Variants in TPTE observed in about 807,000 individuals in gnomAD.
TPTE encodes the protein putative tyrosine-protein phosphatase TPTE.
Under a neutral mutation model 84.1 loss-of-function variants are expected in TPTE, and 59 were observed. That is an observed-to-expected ratio of 0.70 (90% confidence interval 0.57 to 0.87). The LOEUF (loss-of-function observed/expected upper bound fraction) is 0.87, where lower values mean the gene tolerates loss of function less well. Ranked by LOEUF, TPTE falls within the 40% of genes least tolerant of loss-of-function variation. The pLI is 0.00. For missense variants in TPTE, 382 were observed against 659.6 expected (o/e 0.58, Z 4.61); for synonymous variants, 130 against 223.5 (o/e 0.58, Z 3.73).
chr21:10,540,512 C>T (rs2074349478), intron 4 of TPTE, among the ~76,000 whole-genome samples: 1 of 152,372 alleles, frequency 6.6e-6, no homozygotes, highest in East Asian at 1.9e-4. Context: ...GAAGCGAATC[C>T]TGCTTGCAGG....
At chr21:10,538,620 C>G in intron 3 of TPTE, 61 bp from the exon 4 acceptor site, 1 of 1,611,474 alleles carries the variant, frequency 6.2e-7, no homozygotes, top group Non-Finnish European at 8.5e-7. Context: ...GCTAGTTTTA[C>G]CAGAAAAGTA....
chr21:10,602,439 A>C lies in TPTE; in HGVS notation c.1449+289A>C, dbSNP rs200831501. The stretch of plus-strand genomic sequence containing the variant: ...AAAGTCAAGATGCTAAAAAAAAAAA[A>C]CCCCAAAGGTATGTTTTACTGCATA... On this transcript the variant is annotated intron_variant, in intron 22 of 23. Transcript: ENST00000618007. Among the ~76,000 whole-genome samples, 33 of 150,232 alleles carry C rather than the reference A, an allele frequency of 2.2e-4. No individual in the cohort carries two copies. The South Asian group carries it at 4.4e-3, about 20-fold the overall frequency.
At chr21:10,562,970 C>G (rs1468872258) in intron 10 of TPTE, among the ~76,000 whole-genome samples, 1 of 152,308 alleles carries the variant, frequency 6.6e-6, no homozygotes, top group Non-Finnish European at 1.5e-5. Context: ...AATCACAGTC[C>G]CAAAGATCAA....
intron 7 of TPTE, among the ~76,000 whole-genome samples, chr21:10,550,278 G>T (rs2074548422): frequency 6.6e-6 from 1 of 152,308 alleles, no homozygotes; most frequent in South Asian, 2.1e-4. Context: ...CCCCATGAAG[G>T]ATATAGACTT....
intron 14 of TPTE, among the ~76,000 whole-genome samples, chr21:10,572,966 C>A (rs2075076427): frequency 6.6e-6 from 1 of 152,218 alleles, no homozygotes; most frequent in Non-Finnish European, 1.5e-5. Context: ...AACAAAATGA[C>A]AGGATAAAGC....
chr21:10,548,277 A>G (rs1396244122), intron 7 of TPTE, among the ~76,000 whole-genome samples: 1 of 152,306 alleles, frequency 6.6e-6, no homozygotes, highest in African/African-American at 2.4e-5. Context: ...CACCCCACAC[A>G]GAAACACTCC....
intron 7 of TPTE, among the ~76,000 whole-genome samples, chr21:10,551,503 T>A (rs2074573134): frequency 6.6e-6 from 1 of 152,282 alleles, no homozygotes; most frequent in Non-Finnish European, 1.5e-5. Flanking sequence ...AATAAACCAC[T>A]GAACAATTCT....
chr21:10,532,825 A>G (rs2074202006), intron 3 of TPTE, among the ~76,000 whole-genome samples: 1 of 152,306 alleles, frequency 6.6e-6, no homozygotes, highest in South Asian at 2.1e-4. Context: ...TTCAGAGAAT[A>G]GCAATATGAT....
chr21:10,565,829 T>TACCC (rs374475793), intron 10 of TPTE, among the ~76,000 whole-genome samples: 60 of 152,386 alleles, frequency 3.9e-4, no homozygotes, highest in African/African-American at 1.4e-3. Flanking sequence ...CCTAGACCCC[T>TACCC]ACCTCTCACC....
At chr21:10,564,702 AAATC>A (rs1173582539) in intron 10 of TPTE, among the ~76,000 whole-genome samples, 12 of 152,302 alleles carry the variant, frequency 7.9e-5, no homozygotes, top group African/African-American at 2.7e-4. Flanking sequence ...CAACATTTGT[AAATC>A]AATCAATGCG....
At chr21:10,523,304 A>ATT (rs34721273) in intron 1 of TPTE, among the ~76,000 whole-genome samples, 19 of 151,936 alleles carry the variant, frequency 1.3e-4, no homozygotes, top group South Asian at 4.2e-4. Context: ...GCAGAACAGT[A>ATT]TTTTTTTTAT....
chr21:10,547,068 G>A (rs1195017578), intron 7 of TPTE, among the ~76,000 whole-genome samples: 1 of 152,308 alleles, frequency 6.6e-6, no homozygotes. Flanking sequence ...AATCTTCAAA[G>A]CACAGGCCAA....
intron 17 of TPTE, among the ~76,000 whole-genome samples, chr21:10,581,093 A>G (rs1026563455): frequency 6.6e-6 from 1 of 152,306 alleles, no homozygotes; most frequent in Non-Finnish European, 1.5e-5. Context: ...CTTATTGACT[A>G]GTTTCAAGCC....
intron 10 of TPTE, among the ~76,000 whole-genome samples, chr21:10,566,995 A>AG (rs71336121): frequency 9.8e-5 from 15 of 152,344 alleles, no homozygotes; most frequent in African/African-American, 3.1e-4. Context: ...AAAAAAAAAA[A>AG]TACTGTCATT....
intron 14 of TPTE, chr21:10,576,363 G>T (rs2075149343): frequency 8.2e-6 from 2 of 244,646 alleles, no homozygotes; most frequent in Non-Finnish European, 1.7e-5. Flanking sequence ...GAAAAGGGAA[G>T]CAAGCACAAG....
rs557169516 is a variant in TPTE at position 10,564,893 on chromosome 21, C to T, written c.447-2777C>T. On this transcript the variant is annotated intron_variant, in intron 10 of 23. Transcript: ENST00000618007. The stretch of plus-strand genomic sequence containing the variant: ...TATATGACAGACCCACAGTCATTAC[C>T]GTACTGAATGGGGAAAAAATGAAAA... Among the ~76,000 whole-genome samples the T allele has an allele frequency of 7.2e-5, 11 of 152,426 alleles. No individual in the cohort carries two copies. The East Asian group carries it at 9.6e-4, about 13-fold the overall frequency.
At chr21:10,588,039 G>T (rs2145763541) in intron 17 of TPTE, among the ~76,000 whole-genome samples, 1 of 152,430 alleles carries the variant, frequency 6.6e-6, no homozygotes, top group African/African-American at 2.4e-5. Context: ...AGTAAAGACA[G>T]AGTTTCACTA....
chr21:10,560,456 G>T (rs1389379791), intron 9 of TPTE, among the ~76,000 whole-genome samples: 4 of 152,306 alleles, frequency 2.6e-5, no homozygotes, highest in Non-Finnish European at 5.9e-5. Context: ...TTTAGAATAT[G>T]TAACAGCAAG....
At chr21:10,575,610 C>A (rs1375023517) in intron 14 of TPTE, among the ~76,000 whole-genome samples, 3 of 152,298 alleles carry the variant, frequency 2.0e-5, no homozygotes, top group African/African-American at 7.2e-5. Flanking sequence ...CAGGTATGTG[C>A]GGGCTGGATA....
Sources: allele counts gnomAD v4.1 joint callset (sites outside exome capture counted in the v4.1 genomes callset), GRCh38; gene constraint gnomAD v4.1.1; transcripts MANE v1.5; gene names NCBI Gene and HGNC (gene_info 2026-07-23, HGNC 2026-07-21).